The following TMIE variants were observed in gnomAD, a reference collection of about 807,000 sequenced individuals.
TMIE encodes the protein transmembrane inner ear expressed protein.
In TMIE, 14 loss-of-function variants were observed where a neutral mutation model predicts 16.8. The ratio of observed to expected loss-of-function variants is 0.83; its 90% CI spans 0.55 to 1.30. The LOEUF (loss-of-function observed/expected upper bound fraction) is 1.30. TMIE is among the 50% of genes most tolerant of loss of function. The pLI is 0.00. For synonymous variants in TMIE, 75 were observed against 87.2 expected (o/e 0.86, Z 0.78); for missense variants, 204 against 205.9 (o/e 0.99, Z 0.06).
intron 2 of TMIE, among the ~76,000 whole-genome samples, chr3:46,706,731 G>A (rs1279030743): frequency 6.6e-6 from 1 of 152,224 alleles, no homozygotes; most frequent in African/African-American, 2.4e-5. Flanking sequence ...GGTTTTGCAG[G>A]AGGGAAGGCT....
intron 1 of TMIE, among the ~76,000 whole-genome samples, chr3:46,702,972 G>A (rs950485006): frequency 1.3e-5 from 2 of 152,294 alleles, no homozygotes; most frequent in South Asian, 4.1e-4. Context: ...GGTTAAGTCA[G>A]TTCTCAGCCA....
At chr3:46,704,021 T>G (rs2106778972) in intron 1 of TMIE, among the ~76,000 whole-genome samples, 1 of 152,262 alleles carries the variant, frequency 6.6e-6, no homozygotes, top group South Asian at 2.1e-4. Context: ...TGGGGTCATA[T>G]CCATCTCTGG....
chr3:46,695,224 G>A (rs553971274), intron 1 of TMIE, among the ~76,000 whole-genome samples: 1 of 152,344 alleles, frequency 6.6e-6, no homozygotes, highest in South Asian at 2.1e-4. Flanking sequence ...TGAGGCTTCA[G>A]GTTCTAAACA....
At chr3:46,706,755 G>A (rs540097513) in intron 2 of TMIE, among the ~76,000 whole-genome samples, 3 of 152,216 alleles carry the variant, frequency 2.0e-5, no homozygotes, top group Non-Finnish European at 2.9e-5. Flanking sequence ...AAGGCATTCC[G>A]GGAGAGGGGA....
chr3:46,702,972 G>C (rs950485006), intron 1 of TMIE, among the ~76,000 whole-genome samples: 22 of 152,176 alleles, frequency 1.4e-4, no homozygotes, highest in African/African-American at 5.3e-4. Flanking sequence ...GGTTAAGTCA[G>C]TTCTCAGCCA....
rs948846775 is a variant in TMIE at position 46,701,501 on chromosome 3, C to G, written c.14C>G (p.Pro5Arg). MAGW[P>R]GAGPLCVLGG... ...GGTGGCACGAAGATGGCGGGGTGGC[C>G]GGGCGCGGGTCCCCTCTGCGTGCTG... The change falls in exon 1 of 4, where the codon CCG becomes CGG. Residue 5 changes from proline to arginine, a missense_variant. By Grantham distance (103) the Pro-to-Arg change is moderately radical. Transcript: ENST00000643606. The surrounding 1 kb of genome is among the most constrained non-coding windows in gnomAD (Gnocchi z 4.3). 7 of 1,342,766 alleles carry G rather than the reference C, an allele frequency of 5.2e-6. No individual in the cohort carries two copies. The Admixed American group carries it at 2.0e-4, about 38-fold the overall frequency. The allele number at this position is 1,342,766 out of a possible 1,614,324, so 83.2% of individuals were successfully genotyped here.
At position 46,701,589 on chromosome 3, in the gene TMIE, G is replaced by A; in HGVS notation, c.93+9G>A. The A allele has an allele frequency of 7.8e-7, 1 of 1,284,228 alleles. No homozygotes were observed. The highest frequency in any genetic ancestry group is 2.7e-5 in the South Asian group (1 of 37,212). 79.6% of individuals were successfully genotyped at this position (1,284,228 alleles called of 1,614,324 possible). The stretch of plus-strand genomic sequence containing the variant: ...CCGGGCAGCTGGTGGAGGTGAGGCC[G>A]CGGCACGGAGGGACTGGGGAGGCTG... On this transcript the variant is annotated intron_variant, in intron 1 of 3. Coordinates refer to ENST00000643606, the MANE Select transcript of TMIE (RefSeq NM_147196.3). This position sits in a 1 kb window ranked among gnomAD's most constrained non-coding sequence, Gnocchi z 4.3.
upstream of TMIE, chr3:46,701,276 G>A (rs943741040): frequency 9.1e-5 from 39 of 428,574 alleles, 1 homozygote; most frequent in South Asian, 1.4e-3. The surrounding 1 kb of genome is among the most constrained non-coding windows in gnomAD (Gnocchi z 4.3). Flanking sequence ...GGGAGCCTGC[G>A]GCCCGATCTC....
At position 46,710,171 on chromosome 3, in the gene TMIE, G is replaced by C. The variant is rs1312427106; in HGVS notation, c.*483G>C. On this transcript the variant is annotated 3_prime_UTR_variant, in exon 4 of 4. Transcript: ENST00000643606. ...ACTGGGGGACACTGTGGCAGCAGGA[G>C]GGACTCTGTCTGGCCAGGGAGGAGC... The C allele has an allele frequency of 4.2e-6, 1 of 238,154 alleles. No individual in the cohort carries two copies. The highest frequency in any genetic ancestry group is 8.3e-6 in the Non-Finnish European group (1 of 119,818). The allele number at this position is 238,154 out of a possible 1,614,324, so 14.8% of individuals were successfully genotyped here.
At chr3:46,705,474 G>A (rs1196769490) in intron 1 of TMIE, among the ~76,000 whole-genome samples, 3 of 152,188 alleles carry the variant, frequency 2.0e-5, no homozygotes, top group Non-Finnish European at 4.4e-5. Context: ...GTGGAGCCCA[G>A]GACTGGAGTA....
At position 46,709,132 on chromosome 3, in the gene TMIE, C is replaced by A. The variant is rs770957465; in HGVS notation, c.218C>A (p.Thr73Lys). ...TGCTCTGTCCTCCCTACAGTCATCACGCTGTGCTGTGTCTTCAACTGTCGT... is the reference window on the plus strand; with the variant it reads ...TGCTCTGTCCTCCCTACAGTCATCAAGCTGTGCTGTGTCTTCAACTGTCGT... ...FSLFVLSIII[T>K]LCCVFNCRVP... is the part of the protein sequence containing the mutation. Residue 73 changes from threonine to lysine, a missense_variant, in exon 3 of 4, where the codon ACG (threonine) becomes AAG (lysine). Thr to Lys is a moderately conservative substitution (Grantham distance 78). Coordinates refer to ENST00000643606, the MANE Select transcript of TMIE (RefSeq NM_147196.3). The A allele has an allele frequency of 1.2e-6, 2 of 1,614,070 alleles. No individual in the cohort carries two copies. Among genetic ancestry groups the A allele is most frequent in the Non-Finnish European group, 1.7e-6 (2 of 1,180,028 alleles).
At chr3:46,702,104 G>A (rs1454139624) in intron 1 of TMIE, among the ~76,000 whole-genome samples, 1 of 152,180 alleles carries the variant, frequency 6.6e-6, no homozygotes, top group Non-Finnish European at 1.5e-5. Flanking sequence ...GGCATTCCAA[G>A]TTGGAGGGTG....
At position 46,709,747 on chromosome 3, in the gene TMIE, A is replaced by C. The variant is rs1002127314; in HGVS notation, c.*59A>C. 2.5e-6 allele frequency: 4 copies of C among 1,608,128 alleles called. No individual in the cohort carries two copies. The highest frequency in any genetic ancestry group is 2.5e-6 in the Non-Finnish European group (3 of 1,177,546). On this transcript the variant is annotated 3_prime_UTR_variant, in exon 4 of 4. Coordinates refer to ENST00000643606, the MANE Select transcript of TMIE (RefSeq NM_147196.3). ...GGAGCTCAAGCCGTGGCCGGGGTCC[A>C]GGCATGTTGGACTCTGAGCTCATTT...
chr3:46,701,493 G>A lies in TMIE; in HGVS notation c.6G>A (p.Ala2=). 6.7e-6 allele frequency: 9 copies of A among 1,348,028 alleles called. No homozygotes were observed. Among genetic ancestry groups the A allele is most frequent in the Non-Finnish European group, 8.5e-6 (9 of 1,053,646 alleles). The allele number at this position is 1,348,028 out of a possible 1,614,324, so 83.5% of individuals were successfully genotyped here. Residue 2 remains alanine, a synonymous_variant, in exon 1 of 4, where the codon GCG becomes GCA. Coordinates refer to ENST00000643606, the MANE Select transcript of TMIE (RefSeq NM_147196.3). The surrounding 1 kb of genome is among the most constrained non-coding windows in gnomAD (Gnocchi z 4.3). M[A]GWPGAGPLCV... is the part of the protein sequence containing the mutation. ...AGCGGCGCGGTGGCACGAAGATGGCGGGGTGGCCGGGCGCGGGTCCCCTCT... is the reference window on the plus strand; with the variant it reads ...AGCGGCGCGGTGGCACGAAGATGGCAGGGTGGCCGGGCGCGGGTCCCCTCT...
chr3:46,708,405 T>C (rs1413312863), intron 2 of TMIE, among the ~76,000 whole-genome samples: 1 of 152,110 alleles, frequency 6.6e-6, no homozygotes, highest in Admixed American at 6.5e-5. Flanking sequence ...GGGGCCAAGG[T>C]GGTCAGGCTG....
chr3:46,702,508 C>G (rs996614232), intron 1 of TMIE, among the ~76,000 whole-genome samples: 3 of 152,000 alleles, frequency 2.0e-5, no homozygotes, highest in Admixed American at 1.3e-4. Context: ...AATTGTGAGG[C>G]CAGAGGGAGA....
upstream of TMIE, chr3:46,701,335 C>T (rs1241495396): frequency 1.1e-5 from 6 of 559,028 alleles, no homozygotes; most frequent in South Asian, 5.5e-5. This position sits in a 1 kb window ranked among gnomAD's most constrained non-coding sequence, Gnocchi z 4.3. Context: ...CGGGGGCGGG[C>T]GGCGCGGGAA....
At chr3:46,701,315 G>T, upstream of TMIE, 1 of 491,904 alleles carries the variant, frequency 2.0e-6, no homozygotes. The surrounding 1 kb of genome is among the most constrained non-coding windows in gnomAD (Gnocchi z 4.3). Flanking sequence ...GCCCTCCACC[G>T]CAGCGATGGC....
intron 2 of TMIE, among the ~76,000 whole-genome samples, chr3:46,706,688 C>A (rs893959559): frequency 7.9e-5 from 12 of 152,146 alleles, no homozygotes; most frequent in African/African-American, 2.9e-4. Context: ...GAGGAGGGTC[C>A]TCTGAGCTGC....
Sources: gnomAD v4.1 joint callset for allele counts (sites outside exome capture counted in the v4.1 genomes callset) on GRCh38, gnomAD v4.1.1 for gene constraint, Gnocchi (gnomAD v3.1) non-coding constraint, MANE v1.5 for transcripts, NCBI Gene and HGNC (gene_info 2026-07-23, HGNC 2026-07-21) for gene names.